Variants in CAP2 observed in about 807,000 individuals in gnomAD.
CAP2 encodes the protein adenylyl cyclase-associated protein 2.
Under a neutral mutation model 57.7 loss-of-function variants are expected in CAP2, and 24 were observed. The observed-to-expected ratio is 0.42, with a 90% confidence interval of 0.30 to 0.58. The LOEUF is 0.58. Among genes scored for constraint, CAP2 ranks in the 20% least tolerant of loss-of-function variants. The pLI is 0.22. For synonymous variants in CAP2, 194 were observed against 207.2 expected (o/e 0.94, Z 0.55); for missense variants, 501 against 590.3 (o/e 0.85, Z 1.57).
At chr6:17,455,863 C>T (rs375595225) in intron 3 of CAP2, among the ~76,000 whole-genome samples, 5 of 152,256 alleles carry the variant, frequency 3.3e-5, no homozygotes, top group African/African-American at 9.6e-5. Context: ...TTCCCTCCTG[C>T]TCTCAAACTT....
intron 4 of CAP2, among the ~76,000 whole-genome samples, chr6:17,495,457 A>T (rs1413287124): frequency 6.6e-6 from 1 of 152,226 alleles, no homozygotes; most frequent in Non-Finnish European, 1.5e-5. Context: ...TCCTTCCAGC[A>T]CATGCCTCAT....
chr6:17,516,756 G>A (rs982813738), intron 7 of CAP2, among the ~76,000 whole-genome samples: 1 of 152,168 alleles, frequency 6.6e-6, no homozygotes, highest in African/African-American at 2.4e-5. Context: ...ATAGTAAGCA[G>A]GCTTCATGCC....
chr6:17,471,208 A>G (rs909989100), intron 4 of CAP2, among the ~76,000 whole-genome samples: 3 of 152,232 alleles, frequency 2.0e-5, no homozygotes, highest in South Asian at 2.1e-4. Flanking sequence ...TCTTAAGTCC[A>G]TGCCCAGAAA....
chr6:17,430,277 G>T (rs2113544665), intron 3 of CAP2, among the ~76,000 whole-genome samples: 1 of 152,312 alleles, frequency 6.6e-6, no homozygotes, highest in East Asian at 1.9e-4. Context: ...ATTAGAACTT[G>T]TAAAGCCTTC....
At chr6:17,466,992 A>G (rs1299448390) in intron 4 of CAP2, among the ~76,000 whole-genome samples, 1 of 152,124 alleles carries the variant, frequency 6.6e-6, no homozygotes, top group East Asian at 1.9e-4. Flanking sequence ...GCTCTGAGAG[A>G]AAAGAGTATA....
intron 6 of CAP2, among the ~76,000 whole-genome samples, chr6:17,508,643 T>C (rs1228916616): frequency 6.6e-6 from 1 of 152,150 alleles, no homozygotes; most frequent in Non-Finnish European, 1.5e-5. Flanking sequence ...GAAGTGACCA[T>C]TGGTCAGCAA....
chr6:17,432,341 A>C (rs1448677757), intron 3 of CAP2, among the ~76,000 whole-genome samples: 1 of 152,104 alleles, frequency 6.6e-6, no homozygotes. Context: ...TATCAGAAGC[A>C]CCACTGTGAG....
intron 7 of CAP2, among the ~76,000 whole-genome samples, chr6:17,537,299 A>C (rs1762797006): frequency 6.6e-6 from 1 of 151,908 alleles, no homozygotes; most frequent in South Asian, 2.1e-4. Context: ...TGATCCTCCC[A>C]CCTCAGCCTC....
rs1221212193 is a variant in CAP2, at chr6:17,526,956, C to CAAAA, written c.637-12294_637-12291dup. Among the ~76,000 whole-genome samples the CAAAA allele has an allele frequency of 7.1e-3, 569 of 80,002 alleles. 28 individuals are homozygous for CAAAA. Among genetic ancestry groups the CAAAA allele is most frequent in the Non-Finnish European group, 0.01 (453 of 43,822 alleles). 52.5% of individuals were successfully genotyped at this position (80,002 alleles called of 152,430 possible). On this transcript the variant is annotated intron_variant, in intron 7 of 12. Coordinates refer to ENST00000229922, the MANE Select transcript of CAP2 (RefSeq NM_006366.3). Reference sequence around the variant, plus strand: ...TGGGCGACAGAGCAAGACTCTGTCTCAAAAAAAAAAAAAAAAAAAAAAGAA... The same window carrying CAAAA: ...TGGGCGACAGAGCAAGACTCTGTCTCAAAAAAAAAAAAAAAAAAAAAAAAAAGAA...
At chr6:17,526,397 C>G (rs751848290) in intron 7 of CAP2, among the ~76,000 whole-genome samples, 8 of 151,942 alleles carry the variant, frequency 5.3e-5, no homozygotes, top group African/African-American at 7.3e-5. Context: ...GGATTACAGG[C>G]GTCAGCCACC....
chr6:17,493,369 C>A, intron 4 of CAP2: 1 of 354,480 alleles, frequency 2.8e-6, no homozygotes, highest in South Asian at 2.2e-5. Context: ...AAGGTTGTTT[C>A]TCTCTACAGG....
chr6:17,471,612 C>T (rs986762109), intron 4 of CAP2, among the ~76,000 whole-genome samples: 1 of 152,012 alleles, frequency 6.6e-6, no homozygotes, highest in Admixed American at 6.6e-5. Context: ...GCGGGCGGAT[C>T]GCGAGGTCAG....
At chr6:17,493,789 A>G (rs913216908) in intron 4 of CAP2, among the ~76,000 whole-genome samples, 2 of 151,812 alleles carry the variant, frequency 1.3e-5, no homozygotes, top group Admixed American at 1.3e-4. Context: ...AAAAAAAAAA[A>G]AGCAAGCCCA....
At chr6:17,539,551 A>C (rs1581606958) in intron 8 of CAP2, 93 bp downstream of exon 8, 1 of 902,212 alleles carries the variant, frequency 1.1e-6, no homozygotes, top group Non-Finnish European at 1.7e-6. Flanking sequence ...TGGATACATC[A>C]CTCCATCCCT....
intron 4 of CAP2, among the ~76,000 whole-genome samples, chr6:17,469,768 A>G (rs1760971149): frequency 6.6e-6 from 1 of 152,172 alleles, no homozygotes; most frequent in Non-Finnish European, 1.5e-5. Context: ...ATGGAGAAGG[A>G]AGGTTAGTGA....
intron 1 of CAP2, among the ~76,000 whole-genome samples, chr6:17,413,155 G>A (rs1427319861): frequency 1.3e-5 from 2 of 152,156 alleles, no homozygotes; most frequent in Admixed American, 1.3e-4. Context: ...CCTGATTAGA[G>A]GCCCTAGAGG....
chr6:17,393,843 T>G (rs900697414), intron 1 of CAP2, 97 bp downstream of exon 1: 4 of 138,860 alleles, frequency 2.9e-5, no homozygotes, highest in South Asian at 4.5e-4. Context: ...TTGAGCCCGA[T>G]GGGTGGGGTA....
At chr6:17,478,918 A>T (rs991929363) in intron 4 of CAP2, among the ~76,000 whole-genome samples, 1 of 152,194 alleles carries the variant, frequency 6.6e-6, no homozygotes, top group Non-Finnish European at 1.5e-5. Context: ...CTTGGGTAAT[A>T]ACACTATGCT....
chr6:17,497,271 C>T (rs960193350), intron 4 of CAP2, among the ~76,000 whole-genome samples: 1 of 152,152 alleles, frequency 6.6e-6, no homozygotes, highest in African/African-American at 2.4e-5. Flanking sequence ...CAAGTGAGAC[C>T]CTCTGCTCCT....
Sources: gnomAD v4.1 joint callset for allele counts (sites outside exome capture counted in the v4.1 genomes callset) on GRCh38, gnomAD v4.1.1 for gene constraint, MANE v1.5 for transcripts, NCBI Gene and HGNC (gene_info 2026-07-23, HGNC 2026-07-21) for gene names.